Variants in FAM234A observed in about 807,000 individuals in gnomAD.
FAM234A encodes the protein family with sequence similarity 234 member A, also known as protein FAM234A.
A neutral mutation model predicts 49.1 loss-of-function variants in FAM234A; 42 were observed. The observed-to-expected ratio is 0.86, with a 90% CI of 0.67 to 1.11. The LOEUF (loss-of-function observed/expected upper bound fraction) is 1.11, where lower values mean the gene tolerates loss of function less well. Ranked by LOEUF, FAM234A falls within the 50% of genes least tolerant of loss-of-function variation. FAM234A has a pLI of 0.00. For missense variants in FAM234A, 815 were observed against 745.2 expected, an observed-to-expected ratio of 1.09 and a Z score of -1.09; for synonymous variants, 369 against 316.2, an observed-to-expected ratio of 1.17 and a Z score of -1.77.
intron 1 of FAM234A, among the ~76,000 whole-genome samples, chr16:236,011 C>T (rs1466063224): frequency 6.6e-6 from 1 of 151,642 alleles, no homozygotes; most frequent in Non-Finnish European, 1.5e-5. Context: ...AAATTAGCTG[C>T]GTATGGTGGC....
In FAM234A at chr16:265,118, C is replaced by T. The variant is rs555763394; in HGVS notation, c.*96C>T. 2.4e-5 allele frequency: 35 copies of T among 1,480,352 alleles called. No individual in the cohort carries two copies. The African/African-American group carries it at 4.8e-4, about 20-fold the overall frequency. 91.7% of individuals were successfully genotyped at this position (1,480,352 alleles called of 1,614,324 possible). On this transcript the variant is annotated 3_prime_UTR_variant, in exon 13 of 13. Coordinates refer to ENST00000399932, the MANE Select transcript of FAM234A (RefSeq NM_032039.4). Reference sequence around the variant, plus strand: ...CCCTGGGTCTCTGCACTGACTCCCCCACTCCTGACCCTGGTGATGGTCGCC... The same window carrying T: ...CCCTGGGTCTCTGCACTGACTCCCCTACTCCTGACCCTGGTGATGGTCGCC...
At chr16:235,388 G>T (rs894922848) in intron 1 of FAM234A, among the ~76,000 whole-genome samples, 1 of 152,224 alleles carries the variant, frequency 6.6e-6, no homozygotes, top group Non-Finnish European at 1.5e-5. Flanking sequence ...GCGCAGCCGA[G>T]GTTGCTCGTC....
chr16:243,075 G>C (rs1345687508), intron 1 of FAM234A, among the ~76,000 whole-genome samples: 1 of 150,608 alleles, frequency 6.6e-6, no homozygotes, highest in Admixed American at 6.6e-5. Flanking sequence ...CAACCTCTTG[G>C]GCTCAAGCTA....
chr16:267,278 T>C (rs1033345310), downstream of FAM234A, among the ~76,000 whole-genome samples: 1 of 151,992 alleles, frequency 6.6e-6, no homozygotes, highest in Admixed American at 6.6e-5. Flanking sequence ...ACTACCCTGC[T>C]CACCCTAGCC....
At chr16:260,410 CA>C (rs1354253070) in intron 5 of FAM234A, 13 of 566,346 alleles carry the variant, frequency 2.3e-5, no homozygotes, top group African/African-American at 3.7e-5. Flanking sequence ...CTGTAACACA[CA>C]GGGGCAGTCC....
chr16:238,765 CAAAA>C (rs34366851), intron 1 of FAM234A, among the ~76,000 whole-genome samples: 4 of 37,898 alleles, frequency 1.1e-4, no homozygotes, highest in African/African-American at 1.4e-4. Context: ...GACTCCGTCT[CAAAA>C]AAAAAAAAAA....
At position 257,236 on chromosome 16, in the gene FAM234A, C is replaced by CTT. The variant is rs759071082; in HGVS notation, c.269-2222_269-2221dup. ...TAAAAGCTTTTAGTTTCAATGAAGT[C>CTT]TTTTTTTTTTTTTTTTTTTTTTTTT... On this transcript the variant is annotated intron_variant, in intron 3 of 12. Coordinates refer to ENST00000399932, the MANE Select transcript of FAM234A (RefSeq NM_032039.4). 1.8e-3 allele frequency among the ~76,000 whole-genome samples: 164 copies of CTT among 89,024 alleles called. 8 individuals carry two copies. Among genetic ancestry groups the CTT allele is most frequent in the Non-Finnish European group, 2.6e-3 (117 of 44,930 alleles). 58.4% of individuals were successfully genotyped at this position (89,024 alleles called of 152,430 possible). A position where few individuals can be genotyped will look rare whatever the true frequency, so the allele number is the denominator to read the frequency against.
intron 1 of FAM234A, among the ~76,000 whole-genome samples, chr16:238,519 C>A (rs536173993): frequency 2.0e-4 from 30 of 152,170 alleles, no homozygotes; most frequent in Admixed American, 9.8e-4. Context: ...GTAATCCCAG[C>A]CCTTTGGGAG....
chr16:260,416 C>T (rs1220001723), intron 5 of FAM234A: 22 of 556,560 alleles, frequency 4.0e-5, no homozygotes, highest in Non-Finnish European at 7.0e-5. Flanking sequence ...CACACAGGGG[C>T]AGTCCGATGT....
chr16:269,391 C>T (rs1312179231), downstream of FAM234A: 5 of 1,596,500 alleles, frequency 3.1e-6, no homozygotes, highest in East Asian at 4.5e-5. Context: ...ACGCTGTGGG[C>T]GAGAAGGCGG....
At chr16:257,589 C>G (rs2051287277) in intron 3 of FAM234A, among the ~76,000 whole-genome samples, 1 of 152,014 alleles carries the variant, frequency 6.6e-6, no homozygotes, top group Admixed American at 6.6e-5. Flanking sequence ...GATCCCTTGT[C>G]ATGAAGATTT....
chr16:250,081 GC>G, intron 2 of FAM234A, among the ~76,000 whole-genome samples: 1 of 152,292 alleles, frequency 6.6e-6, no homozygotes, highest in Non-Finnish European at 1.5e-5. Context: ...ATAGGCGCAT[GC>G]CGCCACACCC....
chr16:243,489 T>C (rs1422580183), intron 1 of FAM234A, among the ~76,000 whole-genome samples: 5 of 152,226 alleles, frequency 3.3e-5, no homozygotes, highest in Non-Finnish European at 7.3e-5. Flanking sequence ...GTATTTTTAA[T>C]GACCGCAGTA....
At chr16:264,547 C>CT in intron 11 of FAM234A, 67 bp from the exon 12 acceptor site, 1 of 1,075,016 alleles carries the variant, frequency 9.3e-7, no homozygotes, top group Middle Eastern at 2.6e-4. Context: ...CACGGTCACT[C>CT]TGACAGCAGT....
At chr16:245,403 A>G (rs766408241) in intron 1 of FAM234A, among the ~76,000 whole-genome samples, 6 of 152,284 alleles carry the variant, frequency 3.9e-5, no homozygotes, top group African/African-American at 1.4e-4. Flanking sequence ...TGCTGTGTCT[A>G]TGAGTGAGAC....
At chr16:269,886 G>A (rs570421943), downstream of FAM234A, 2 of 346,750 alleles carry the variant, frequency 5.8e-6, no homozygotes, top group African/African-American at 4.2e-5. Flanking sequence ...GGCTCCGTGT[G>A]CCCCACAGAG....
intron 1 of FAM234A, among the ~76,000 whole-genome samples, chr16:241,411 C>T (rs529145340): frequency 6.6e-6 from 1 of 152,070 alleles, no homozygotes; most frequent in Non-Finnish European, 1.5e-5. Flanking sequence ...GTGAGGCTCT[C>T]ATTTCTACAA....
Position 246,055 on chromosome 16 carries a change from T to C in FAM234A, c.-139-3494T>C, listed in dbSNP as rs140704063. ...CCGTCTCTACTAAAAATACAAAAAT[T>C]AGCTGGGTGCGGTGGTGGGTGTGGT... On this transcript the variant is annotated intron_variant, in intron 1 of 12. Coordinates refer to ENST00000399932, the MANE Select transcript of FAM234A (RefSeq NM_032039.4). Among the ~76,000 whole-genome samples, 416 of 151,356 alleles carry C rather than the reference T, an allele frequency of 2.7e-3. 1 individual carries two copies. The highest frequency in any genetic ancestry group is 9.5e-3 in the African/African-American group (393 of 41,294).
chr16:252,507 G>T (rs147036985), intron 2 of FAM234A, among the ~76,000 whole-genome samples: 27 of 152,098 alleles, frequency 1.8e-4, no homozygotes, highest in African/African-American at 6.5e-4. Flanking sequence ...AATTCTTGTG[G>T]GTGTACACCT....
Sources: allele counts gnomAD v4.1 joint callset (sites outside exome capture counted in the v4.1 genomes callset), GRCh38; gene constraint gnomAD v4.1.1; transcripts MANE v1.5; gene names NCBI Gene and HGNC (gene_info 2026-07-23, HGNC 2026-07-21).